The following DARS2 variants were observed in gnomAD, a reference collection of about 807,000 sequenced individuals.
DARS2 encodes aspartyl-tRNA synthetase 2, mitochondrial.
In DARS2, 63 loss-of-function variants were observed where a neutral mutation model predicts 83.0. The observed-to-expected ratio is 0.76, with a 90% CI of 0.62 to 0.94. The LOEUF is 0.94. Ranked by LOEUF, DARS2 falls within the 40% of genes least tolerant of loss-of-function variation. DARS2 has a pLI of 0.00. For missense variants in DARS2, 675 were observed against 774.4 expected (o/e 0.87, Z 1.52); for synonymous variants, 250 against 269.3 (o/e 0.93, Z 0.70).
At chr1:173,839,669 T>G in intron 10 of DARS2, 123 bp downstream of exon 10, 1 of 885,010 alleles carries the variant, frequency 1.1e-6, no homozygotes. Flanking sequence ...CTTGTTACCT[T>G]CGTTGTTACA....
At chr1:173,836,917 C>T in intron 7 of DARS2, 23 bp from the exon 8 acceptor site, 1 of 1,594,760 alleles carries the variant, frequency 6.3e-7, no homozygotes, top group South Asian at 1.1e-5. Context: ...TCTGTCTTCT[C>T]TCTCTTTCTC....
intron 13 of DARS2, among the ~76,000 whole-genome samples, chr1:173,851,244 G>A (rs749415701): frequency 1.1e-4 from 12 of 109,908 alleles, no homozygotes; most frequent in South Asian, 5.6e-4. Context: ...GCCAGACTCC[G>A]TCTCAAAAAA....
At chr1:173,848,436 G>A (rs1653523922) in intron 12 of DARS2, among the ~76,000 whole-genome samples, 2 of 152,164 alleles carry the variant, frequency 1.3e-5, no homozygotes, top group Admixed American at 1.3e-4. Flanking sequence ...TGCATTGTTC[G>A]GTGTAGTTGT....
chr1:173,833,395 T>G lies in DARS2; in HGVS notation c.512T>G (p.Leu171Trp). Reference protein sequence around the residue: ...NFVKKTEALRLQYRYLDLRSF... With the variant: ...NFVKKTEALRWQYRYLDLRSF... ...CTTTAGAAAACAGAGGCTCTTCGGTTGCAGTATCGCTACTTAGACTTGCGT... is the reference window on the plus strand; with the variant it reads ...CTTTAGAAAACAGAGGCTCTTCGGTGGCAGTATCGCTACTTAGACTTGCGT... Residue 171 changes from leucine to tryptophan, a missense_variant, in exon 6 of 17, where the codon TTG becomes TGG. Leu to Trp is a moderately conservative substitution (Grantham distance 61). Transcript: ENST00000649689. 6.2e-7 allele frequency: 1 copy of G among 1,609,194 alleles called. No homozygotes were observed. The highest frequency in any genetic ancestry group is 8.5e-7 in the Non-Finnish European group (1 of 1,177,592).
intron 13 of DARS2, chr1:173,851,918 T>C (rs1448650939): frequency 3.0e-6 from 3 of 985,298 alleles, no homozygotes; most frequent in Admixed American, 6.1e-5. Flanking sequence ...AAGAAAGCTA[T>C]TTATTTCCAA....
intron 13 of DARS2, 95 bp from the exon 14 acceptor site, chr1:173,853,254 T>C: frequency 8.2e-7 from 1 of 1,219,308 alleles, no homozygotes; most frequent in Non-Finnish European, 1.2e-6. Context: ...GCTAATCCTT[T>C]CCTAGAGAAT....
At position 173,852,624 on chromosome 1, in the gene DARS2, C is replaced by T. The variant is rs532769221; in HGVS notation, c.1345-725C>T. On this transcript the variant is annotated intron_variant, in intron 13 of 16. Coordinates refer to ENST00000649689, the MANE Select transcript of DARS2 (RefSeq NM_018122.5). ...GGTTCAAGCGATTTTCCTGCCTCAG[C>T]CTCCCGAGTAGCTAGGATTACAAGT... Among the ~76,000 whole-genome samples, 4 of 152,174 alleles carry T rather than the reference C, an allele frequency of 2.6e-5. No individual in the cohort carries two copies. In the South Asian group the frequency reaches 8.3e-4, roughly 32 times the overall value.
chr1:173,826,625 C>T lies in DARS2; in HGVS notation c.128-62C>T, dbSNP rs553835559. 18 of 1,237,554 alleles carry T rather than the reference C, an allele frequency of 1.5e-5. No homozygotes were observed. In the Middle Eastern group the frequency reaches 7.7e-4, roughly 53 times the overall value. The allele number at this position is 1,237,554 out of a possible 1,614,324, so 76.7% of individuals were successfully genotyped here. A position where few individuals can be genotyped will look rare whatever the true frequency, so the allele number is the denominator to read the frequency against. ...TTTGAGAATTTTCATTTTTAAGCAA[C>T]CTGCAAGTGATGTATTTTTAATCTT... On this transcript the variant is annotated intron_variant, in intron 1 of 16. Transcript: ENST00000649689.
Position 173,838,767 on chromosome 1 carries a change from G to A in DARS2, c.840+508G>A, listed in dbSNP as rs570834340. ...ATTTTATTTTTTGAGACAGAGTCTC[G>A]CTCTGTCTCCCAGGCTGGAGTGCAG... is the stretch of plus-strand genomic sequence containing the variant. On this transcript the variant is annotated intron_variant, in intron 9 of 16. Transcript: ENST00000649689. 5.9e-5 allele frequency among the ~76,000 whole-genome samples: 9 copies of A among 151,764 alleles called. No homozygotes were observed. The East Asian group carries it at 7.7e-4, about 13-fold the overall frequency.
intron 12 of DARS2, among the ~76,000 whole-genome samples, chr1:173,848,019 A>ATT (rs1557861526): frequency 6.6e-6 from 1 of 151,680 alleles, no homozygotes; most frequent in South Asian, 2.1e-4. Flanking sequence ...CGCCCGGCTA[A>ATT]TTTTTTTGTA....
chr1:173,835,047 G>A (rs948378796), intron 7 of DARS2, among the ~76,000 whole-genome samples: 1 of 151,882 alleles, frequency 6.6e-6, no homozygotes, highest in Non-Finnish European at 1.5e-5. Flanking sequence ...CTCCCAAAGT[G>A]CTGGGATTAC....
At chr1:173,854,455 C>T (rs1653789095) in intron 15 of DARS2, among the ~76,000 whole-genome samples, 1 of 152,074 alleles carries the variant, frequency 6.6e-6, no homozygotes, top group Non-Finnish European at 1.5e-5. Flanking sequence ...TTAAACAGTA[C>T]TATTTAAATA....
chr1:173,857,494 G>A (rs1417020708), intron 16 of DARS2, 24 bp from the exon 17 acceptor site: 2 of 1,606,868 alleles, frequency 1.2e-6, no homozygotes, highest in East Asian at 2.2e-5. Flanking sequence ...TTTCTCATCT[G>A]TTATCTTTGT....
Position 173,828,312 on chromosome 1 carries a change from TTCC to T in DARS2, c.228-20_228-18del. On this transcript the variant is annotated intron_variant, in intron 2 of 16. Transcript: ENST00000649689. ...GAGATTTTATCTTAAAATGTTTCTTTTCCCCCCCCCCATTAATCAGGCAAAACA... is the reference window on the plus strand; with the variant it reads ...GAGATTTTATCTTAAAATGTTTCTTTCCCCCCCCATTAATCAGGCAAAACA... 5.2e-5 allele frequency: 81 copies of T among 1,550,694 alleles called. No homozygotes were observed. The highest frequency in any genetic ancestry group is 1.7e-4 in the Middle Eastern group (1 of 5,832).
chr1:173,836,201 C>G (rs1317730459), intron 7 of DARS2, among the ~76,000 whole-genome samples: 1 of 151,848 alleles, frequency 6.6e-6, no homozygotes, highest in East Asian at 1.9e-4. Context: ...ACCTGGGTGA[C>G]AGACCAAGAC....
At chr1:173,835,298 C>T (rs1048174325) in intron 7 of DARS2, among the ~76,000 whole-genome samples, 29 of 151,248 alleles carry the variant, frequency 1.9e-4, no homozygotes, top group Admixed American at 1.8e-3. Flanking sequence ...CGCATGTTGG[C>T]CCAGCTGGTC....
intron 6 of DARS2, 108 bp downstream of exon 6, chr1:173,833,607 A>T: frequency 7.3e-7 from 1 of 1,364,328 alleles, no homozygotes; most frequent in Non-Finnish European, 1.0e-6. Context: ...TGTTGCCAGA[A>T]GTCTGGAATT....
In DARS2 at chr1:173,853,847, G is replaced by A. The variant is rs1472063235; in HGVS notation, c.1616G>A (p.Gly539Asp). 1 of 1,614,172 alleles carries A rather than the reference G, an allele frequency of 6.2e-7. No homozygotes were observed. The highest frequency in any genetic ancestry group is 1.3e-5 in the African/African-American group (1 of 75,052). Residue 539 changes from glycine (G) to aspartate (D), a missense_variant, in exon 15 of 17, where the codon GGT (glycine) becomes GAT (aspartate). Transcript: ENST00000649689. ...TTAAATGGCAATGAAATAGGAGGTGGTTCAATTCGAATTCACAATGCAGAG... is the reference window on the plus strand; with the variant it reads ...TTAAATGGCAATGAAATAGGAGGTGATTCAATTCGAATTCACAATGCAGAG... Reference protein sequence around the residue: ...LVLNGNEIGGGSIRIHNAELQ... With the variant: ...LVLNGNEIGGDSIRIHNAELQ...
intron 15 of DARS2, 24 bp downstream of exon 15, chr1:173,853,929 T>G (rs1557863623): frequency 4.5e-6 from 7 of 1,568,438 alleles, no homozygotes; most frequent in Non-Finnish European, 6.1e-6. Flanking sequence ...TCTGCTATCC[T>G]GGGCTTATTT....
Sources: allele counts gnomAD v4.1 joint callset (sites outside exome capture counted in the v4.1 genomes callset), GRCh38; gene constraint gnomAD v4.1.1; transcripts MANE v1.5; gene names NCBI Gene and HGNC (gene_info 2026-07-23, HGNC 2026-07-21).